PCDHA5: variants seen among roughly 807,000 people sequenced by gnomAD.
PCDHA5 encodes protocadherin alpha 5.
PCDHA5 carries 43 observed loss-of-function variants against 61.6 expected under a neutral mutation model. The ratio of observed to expected loss-of-function variants is 0.70; its 90% CI spans 0.55 to 0.90. The LOEUF (loss-of-function observed/expected upper bound fraction) is 0.90, where lower values mean the gene tolerates loss of function less well. Among genes scored for constraint, PCDHA5 ranks in the 40% least tolerant of loss-of-function variants. PCDHA5 has a pLI of 0.00. For missense variants in PCDHA5, 1,298 were observed against 1,222.7 expected (o/e 1.06, Z -0.92); for synonymous variants, 627 against 543.9 (o/e 1.15, Z -2.13).
chr5:140,886,217 T>C (rs548266069), intron 1 of PCDHA5, among the ~76,000 whole-genome samples: 3 of 152,240 alleles, frequency 2.0e-5, no homozygotes, highest in African/African-American at 7.2e-5. Flanking sequence ...TTTCTCTAAT[T>C]TTGTTACTTT....
intron 1 of PCDHA5, chr5:140,841,601 G>T: frequency 6.2e-7 from 1 of 1,614,136 alleles, no homozygotes; most frequent in Non-Finnish European, 8.5e-7. Context: ...CGACCGCGAG[G>T]AGCTGTGCGG....
At chr5:141,009,439 G>A (rs187486568) in intron 3 of PCDHA5, among the ~76,000 whole-genome samples, 188 bp from the exon 4 acceptor site, 1 of 152,244 alleles carries the variant, frequency 6.6e-6, no homozygotes, top group East Asian at 1.9e-4. Context: ...GGGAAATCCT[G>A]TCTCAAAAAA....
chr5:140,876,478 G>A (rs782344970), intron 1 of PCDHA5: 1 of 1,614,032 alleles, frequency 6.2e-7, no homozygotes. Flanking sequence ...TCACAGCATG[G>A]TCCTGGTGGA....
At chr5:140,984,751 T>A (rs2097118127) in intron 3 of PCDHA5, among the ~76,000 whole-genome samples, 1 of 152,158 alleles carries the variant, frequency 6.6e-6, no homozygotes. Context: ...CAGATTTGAG[T>A]TGAATTCTAA....
At chr5:140,983,171 C>T (rs1371766725) in intron 3 of PCDHA5, among the ~76,000 whole-genome samples, 2 of 152,136 alleles carry the variant, frequency 1.3e-5, no homozygotes, top group Non-Finnish European at 2.9e-5. Flanking sequence ...AACATGACCG[C>T]CTCACAATTT....
chr5:140,850,772 C>A lies in PCDHA5; in HGVS notation c.2352+26645C>A, dbSNP rs2041813098. 4.4e-6 allele frequency: 7 copies of A among 1,598,004 alleles called. 1 individual carries two copies. Among genetic ancestry groups the A allele is most frequent in the Non-Finnish European group, 6.0e-6 (7 of 1,167,724 alleles). Reference sequence around the variant, plus strand: ...CGCAGCAGAGGAGGCAGAGGGTGTGCTCTGGCGAGGGTAAGCAGAAGACCG... The same window carrying A: ...CGCAGCAGAGGAGGCAGAGGGTGTGATCTGGCGAGGGTAAGCAGAAGACCG... On this transcript the variant is annotated intron_variant, in intron 1 of 3. Transcript: ENST00000529859.
In PCDHA5 at chr5:140,847,104, A is replaced by G. The variant is rs2150397303; in HGVS notation, c.2352+22977A>G. Among the ~76,000 whole-genome samples, 7 of 149,942 alleles carry G rather than the reference A, an allele frequency of 4.7e-5. 1 individual carries two copies. The East Asian group carries it at 1.4e-3, about 29-fold the overall frequency. On this transcript the variant is annotated intron_variant, in intron 1 of 3. Coordinates refer to ENST00000529859, the MANE Select transcript of PCDHA5 (RefSeq NM_018908.3). ...AAAGTCCACTTTGGTTAAAACACAC[A>G]GTCTGCAGAGAATGAAAGCAGGAAA...
At position 141,010,104 on chromosome 5, in the gene PCDHA5, T is replaced by G; in HGVS notation, c.*167T>G. ...TGTCTAGAACGCATTTAACAGGTTTTGTCGTAAAAGCTTTACTAAGTCTGG... is the reference window on the plus strand; with the variant it reads ...TGTCTAGAACGCATTTAACAGGTTTGGTCGTAAAAGCTTTACTAAGTCTGG... On this transcript the variant is annotated 3_prime_UTR_variant, in exon 4 of 4. Coordinates refer to ENST00000529859, the MANE Select transcript of PCDHA5 (RefSeq NM_018908.3). 1 of 1,612,408 alleles carries G rather than the reference T, an allele frequency of 6.2e-7. No individual in the cohort carries two copies. Among genetic ancestry groups the G allele is most frequent in the Non-Finnish European group, 8.5e-7 (1 of 1,179,092 alleles).
chr5:140,822,729 T>C lies in PCDHA5; in HGVS notation c.954T>C (p.Asn318=). Residue 318 remains asparagine, a synonymous_variant, in exon 1 of 4, where the codon AAT becomes AAC. Coordinates refer to ENST00000529859, the MANE Select transcript of PCDHA5 (RefSeq NM_018908.3). ...DYEDYNSYEI[N]IDAMDKSTFP... ...AAGACTATAACTCATATGAAATTAA[T>C]ATTGATGCCATGGATAAAAGTACAT... 6.2e-7 allele frequency: 1 copy of C among 1,613,080 alleles called. No individual in the cohort carries two copies. Among genetic ancestry groups the C allele is most frequent in the South Asian group, 1.1e-5 (1 of 91,064 alleles).
chr5:140,877,706 T>TG (rs781796819), intron 1 of PCDHA5: 16 of 1,613,800 alleles, frequency 9.9e-6, no homozygotes, highest in Non-Finnish European at 1.4e-5. Context: ...TCCAGCGCCG[T>TG]GGGGAGTTGG....
chr5:140,881,886 C>G (rs2058857922), intron 1 of PCDHA5, among the ~76,000 whole-genome samples: 1 of 152,170 alleles, frequency 6.6e-6, no homozygotes, highest in African/African-American at 2.4e-5. Flanking sequence ...AACTCATCAA[C>G]CAATTGTCAG....
intron 1 of PCDHA5, chr5:140,856,539 A>G (rs782181557): frequency 1.3e-6 from 2 of 1,598,342 alleles, no homozygotes; most frequent in South Asian, 2.2e-5. Context: ...GTTGGAGAGA[A>G]CGCATTGCTT....
intron 1 of PCDHA5, among the ~76,000 whole-genome samples, chr5:140,970,530 T>C (rs1554232541): frequency 6.6e-6 from 1 of 151,424 alleles, no homozygotes; most frequent in Non-Finnish European, 1.5e-5. Context: ...GATGAATATG[T>C]GTGTGTGTTT....
chr5:141,000,423 T>C (rs470406), intron 3 of PCDHA5, among the ~76,000 whole-genome samples: 6 of 66,864 alleles, frequency 9.0e-5, no homozygotes, highest in Non-Finnish European at 1.8e-4. Context: ...ATATATATAT[T>C]TTTTTTTTTT....
rs1038789772 is a variant in PCDHA5, at chr5:140,894,031, G to C, written c.2352+69904G>C. On this transcript the variant is annotated intron_variant, in intron 1 of 3. Transcript: ENST00000529859. ...TTCAAATTACCAGTTCTGCATACTG[G>C]TAATGTAAGTCCTCTGTTGAATTGA... Among the ~76,000 whole-genome samples, 3 of 152,204 alleles carry C rather than the reference G, an allele frequency of 2.0e-5. No homozygotes were observed. In the South Asian group the frequency reaches 6.2e-4, roughly 32 times the overall value.
chr5:140,836,412 A>C, intron 1 of PCDHA5: 2 of 1,613,792 alleles, frequency 1.2e-6, no homozygotes, highest in Non-Finnish European at 8.5e-7. Context: ...CCAGGCACCA[A>C]AGGCGTCGTC....
At chr5:140,867,426 AT>A (rs1462800556) in intron 1 of PCDHA5, 4 of 152,150 alleles carry the variant, frequency 2.6e-5, no homozygotes, top group African/African-American at 9.7e-5. Flanking sequence ...TTAATACAGA[AT>A]TTTGCATTTA....
intron 1 of PCDHA5, chr5:140,929,973 G>A (rs955255771): frequency 6.6e-6 from 1 of 152,136 alleles, no homozygotes; most frequent in Non-Finnish European, 1.5e-5. Context: ...TTTGGTGAAG[G>A]TGTCTTCTTT....
At chr5:140,938,476 T>A (rs1393084209) in intron 1 of PCDHA5, among the ~76,000 whole-genome samples, 2 of 152,194 alleles carry the variant, frequency 1.3e-5, no homozygotes, top group African/African-American at 2.4e-5. Context: ...TTATGTTTTT[T>A]AAAAATCATG....
Sources: gnomAD v4.1 joint callset for allele counts (sites outside exome capture counted in the v4.1 genomes callset) on GRCh38, gnomAD v4.1.1 for gene constraint, MANE v1.5 for transcripts, NCBI Gene and HGNC (gene_info 2026-07-23, HGNC 2026-07-21) for gene names.